The following KCTD10 variants were observed in gnomAD, a reference collection of about 807,000 sequenced individuals.
The protein encoded by KCTD10 is BTB/POZ domain-containing adapter for CUL3-mediated RhoA degradation protein 3.
Under a neutral mutation model 34.6 loss-of-function variants are expected in KCTD10, and 13 were observed. That is an observed-to-expected ratio of 0.38 (90% CI 0.24 to 0.60). The LOEUF is 0.60. KCTD10 is among the 20% of genes least tolerant of loss of function. The pLI is 0.66. For missense variants in KCTD10, 256 were observed against 420.3 expected (o/e 0.61, Z 3.42); for synonymous variants, 156 against 168.8 (o/e 0.92, Z 0.59).
intron 2 of KCTD10, among the ~76,000 whole-genome samples, chr12:109,461,678 TAGG>T (rs1310089469): frequency 6.6e-6 from 1 of 152,102 alleles, no homozygotes; most frequent in Admixed American, 6.6e-5. Context: ...GACTGGAGCC[TAGG>T]AGGAGGAGGT....
At chr12:109,470,308 GGT>G (rs1873822659) in intron 1 of KCTD10, 1 of 985,182 alleles carries the variant, frequency 1.0e-6, no homozygotes, top group Middle Eastern at 5.2e-4. Context: ...GTAGGGAGAA[GGT>G]GTTTCTGAGG....
At chr12:109,476,337 G>A (rs1045406295) in intron 1 of KCTD10, among the ~76,000 whole-genome samples, 1 of 152,178 alleles carries the variant, frequency 6.6e-6, no homozygotes, top group Non-Finnish European at 1.5e-5. Context: ...CTTCAGCAGC[G>A]TCACTGGGAC....
intron 1 of KCTD10, among the ~76,000 whole-genome samples, chr12:109,473,719 A>C (rs1874006634): frequency 6.6e-6 from 1 of 151,700 alleles, no homozygotes; most frequent in East Asian, 1.9e-4. Flanking sequence ...AGTGGACCAG[A>C]GACCCCCACC....
At chr12:109,456,755 C>T (rs1873039205) in intron 5 of KCTD10, 2 of 179,394 alleles carry the variant, frequency 1.1e-5, no homozygotes, top group African/African-American at 4.8e-5. Context: ...CCTCAAGTTC[C>T]TGAGTTAGAG....
chr12:109,456,939 A>C (rs1271119230), intron 5 of KCTD10: 1 of 157,580 alleles, frequency 6.3e-6, no homozygotes, highest in Non-Finnish European at 1.4e-5. Flanking sequence ...ACGTAAGTCC[A>C]CATAGAGACT....
rs771384931 is a variant in KCTD10, at chr12:109,477,273, A to G, written c.-11T>C. On this transcript the variant is annotated 5_prime_UTR_variant, in exon 1 of 7. Transcript: ENST00000228495. ...CGCCCTCCCTACCATGAAAAGTCGG[A>G]GGACGCAGGAGTCTCCAAACCCGGA... The G allele has an allele frequency of 1.9e-6, 3 of 1,613,940 alleles. No homozygotes were observed. The highest frequency in any genetic ancestry group is 2.5e-6 in the Non-Finnish European group (3 of 1,179,932).
At chr12:109,470,490 A>G (rs1873832355) in intron 1 of KCTD10, 1 of 985,392 alleles carries the variant, frequency 1.0e-6, no homozygotes, top group South Asian at 4.7e-5. Context: ...GCAGGCCTGG[A>G]AAGTGAGATT....
Position 109,469,535 on chromosome 12 carries a change from TC to T in KCTD10, c.196del (p.Glu66LysfsTer44). 6.2e-7 allele frequency: 1 copy of T among 1,614,134 alleles called. No homozygotes were observed. The highest frequency in any genetic ancestry group is 8.5e-7 in the Non-Finnish European group (1 of 1,179,990). On this transcript the variant is annotated frameshift_variant, in exon 2 of 7. Transcript: ENST00000228495. LOFTEE classifies it high-confidence loss of function. ...MLKAMFSGRM[E>X]VLTDSEGWIL... Reference sequence around the variant, plus strand: ...CTTACCTTCACTGTCGGTGAGCACTTCCATGCGCCCGCTGAACATGGCCTTC... The same window carrying T: ...CTTACCTTCACTGTCGGTGAGCACTTCATGCGCCCGCTGAACATGGCCTTC...
At chr12:109,470,963 A>G (rs1592848136) in intron 1 of KCTD10, 1 of 258,418 alleles carries the variant, frequency 3.9e-6, no homozygotes, top group East Asian at 1.8e-4. Context: ...TGTCTCTCAA[A>G]TCACCCAACA....
chr12:109,463,150 G>T (rs1873420667), intron 2 of KCTD10, among the ~76,000 whole-genome samples: 1 of 152,162 alleles, frequency 6.6e-6, no homozygotes, highest in African/African-American at 2.4e-5. Flanking sequence ...CAACTCAGCT[G>T]CGCAGGGAAG....
At chr12:109,459,022 A>G (rs1240413763) in intron 3 of KCTD10, 1 of 152,350 alleles carries the variant, frequency 6.6e-6, no homozygotes, top group Non-Finnish European at 1.5e-5. Flanking sequence ...CATGAGAACA[A>G]AACCAAAACA....
chr12:109,452,744 A>G (rs928748857), intron 6 of KCTD10, among the ~76,000 whole-genome samples: 4 of 152,176 alleles, frequency 2.6e-5, no homozygotes, highest in Admixed American at 6.5e-5. Flanking sequence ...AAACCCTGAA[A>G]TGGCACCAGG....
chr12:109,456,088 C>T (rs765804890), intron 6 of KCTD10, 30 bp downstream of exon 6: 1 of 1,607,920 alleles, frequency 6.2e-7, no homozygotes, highest in Non-Finnish European at 8.5e-7. Flanking sequence ...TCAGAACAGC[C>T]ACTCCAAACT....
Position 109,460,155 on chromosome 12 carries a change from G to C in KCTD10, c.387+481C>G, listed in dbSNP as rs147950601. The stretch of plus-strand genomic sequence containing the variant: ...GCTCTGCCACGTTGCAACTTTGTTT[G>C]AAATAAAGGGGTGTTGGCCATGTCT... On this transcript the variant is annotated intron_variant, in intron 3 of 6. Transcript: ENST00000228495. The surrounding 1 kb of genome is among the most constrained non-coding windows in gnomAD (Gnocchi z 4.5). Among the ~76,000 whole-genome samples the C allele has an allele frequency of 6.6e-6, 1 of 152,304 alleles. No homozygotes were observed. Among genetic ancestry groups the C allele is most frequent in the African/African-American group, 2.4e-5 (1 of 41,564 alleles).
Position 109,451,157 on chromosome 12 carries a change from T to C in KCTD10, c.*438A>G, listed in dbSNP as rs181128271. On this transcript the variant is annotated 3_prime_UTR_variant, in exon 7 of 7. Transcript: ENST00000228495. This position sits in a 1 kb window ranked among gnomAD's most constrained non-coding sequence, Gnocchi z 5.0. ...TGAAATAGGAAGCAGGGAGCTCAGA[T>C]ACCTCTGGTGGCCTCCAACTGCAGG... 1.8e-3 allele frequency: 286 copies of C among 156,340 alleles called. 6 individuals carry two copies. Among genetic ancestry groups the C allele is most frequent in the African/African-American group, 6.4e-3 (268 of 41,674 alleles). The allele number at this position is 156,340 out of a possible 1,614,324, so 9.7% of individuals were successfully genotyped here.
intron 6 of KCTD10, among the ~76,000 whole-genome samples, chr12:109,453,675 T>C (rs1161072159): frequency 1.3e-5 from 2 of 152,134 alleles, no homozygotes; most frequent in African/African-American, 4.8e-5. Context: ...AATACAGGCA[T>C]GGTTACAGAA....
Position 109,467,572 on chromosome 12 carries a change from T to C in KCTD10, c.217+1943A>G, listed in dbSNP as rs775747239. ...AGGAGATGGAGGCTGCCGTGAGCTA[T>C]GATGGCCCTAGTGCACTTCAGCCTG... On this transcript the variant is annotated intron_variant, in intron 2 of 6. Transcript: ENST00000228495. Among the ~76,000 whole-genome samples, 46 of 152,102 alleles carry C rather than the reference T, an allele frequency of 3.0e-4. 1 individual carries two copies. Among genetic ancestry groups the C allele is most frequent in the Non-Finnish European group, 5.7e-4 (39 of 68,016 alleles).
At chr12:109,459,612 G>C (rs929642953) in intron 3 of KCTD10, 4 of 152,296 alleles carry the variant, frequency 2.6e-5, no homozygotes, top group African/African-American at 4.8e-5. Flanking sequence ...AAACTGTGAT[G>C]AACTGTACTG....
intron 1 of KCTD10, chr12:109,471,207 C>A (rs1415910351): frequency 1.0e-6 from 1 of 985,232 alleles, no homozygotes; most frequent in Non-Finnish European, 1.2e-6. Flanking sequence ...AAAACACAAA[C>A]GTTATTTTTG....
Sources: gnomAD v4.1 joint callset for allele counts (sites outside exome capture counted in the v4.1 genomes callset) on GRCh38, gnomAD v4.1.1 for gene constraint, Gnocchi (gnomAD v3.1) non-coding constraint, MANE v1.5 for transcripts, NCBI Gene and HGNC (gene_info 2026-07-23, HGNC 2026-07-21) for gene names.